LVRN: variants seen among roughly 807,000 people sequenced by gnomAD.
LVRN encodes the protein laeverin, also known as aminopeptidase Q.
Under a neutral mutation model 111.4 loss-of-function variants are expected in LVRN, and 99 were observed. That is an observed-to-expected ratio of 0.89 (90% CI 0.76 to 1.05). The LOEUF is 1.05. Among genes scored for constraint, LVRN ranks in the 50% least tolerant of loss-of-function variants. LVRN has a pLI of 0.00. For synonymous variants in LVRN, 488 were observed against 449.5 expected, an observed-to-expected ratio of 1.09 and a Z score of -1.08; for missense variants, 1,414 against 1,206.8, an observed-to-expected ratio of 1.17 and a Z score of -2.54.
chr5:115,973,302 T>TTGCTC (rs1379556984), intron 1 of LVRN, among the ~76,000 whole-genome samples: 1 of 152,244 alleles, frequency 6.6e-6, no homozygotes, highest in East Asian at 1.9e-4. Context: ...TAGATTTGAT[T>TTGCTC]TGCTCAAATT....
At chr5:116,000,222 C>G (rs7724555) in intron 7 of LVRN, among the ~76,000 whole-genome samples, 43,171 of 152,086 alleles carry the variant, frequency 0.28, 6,518 homozygotes, top group Non-Finnish European at 0.32. Flanking sequence ...GTACTCTGTA[C>G]TCTTTACATG....
At chr5:115,969,100 C>G (rs1236685229) in intron 1 of LVRN, among the ~76,000 whole-genome samples, 1 of 152,174 alleles carries the variant, frequency 6.6e-6, no homozygotes, top group African/African-American at 2.4e-5. Context: ...TCCTCTTTCT[C>G]TCCTCTTTCT....
At chr5:116,020,363 A>G (rs1748697658) in intron 18 of LVRN, among the ~76,000 whole-genome samples, 2 of 152,218 alleles carry the variant, frequency 1.3e-5, no homozygotes, top group South Asian at 4.1e-4. Flanking sequence ...TGGATGTGGT[A>G]GAAGCATTAT....
At chr5:116,022,798 T>C (rs1561571867) in intron 19 of LVRN, among the ~76,000 whole-genome samples, 1 of 152,192 alleles carries the variant, frequency 6.6e-6, no homozygotes, top group East Asian at 1.9e-4. Context: ...TAGCTTTTCA[T>C]AGCTTTTCAA....
chr5:115,969,785 G>A (rs1297076805), intron 1 of LVRN, among the ~76,000 whole-genome samples: 1 of 137,158 alleles, frequency 7.3e-6, no homozygotes, highest in Non-Finnish European at 1.5e-5. Context: ...GGGCAACAGA[G>A]CGAGACTCGA....
intron 3 of LVRN, among the ~76,000 whole-genome samples, chr5:115,985,919 C>T (rs1179991957): frequency 5.3e-5 from 8 of 152,166 alleles, no homozygotes; most frequent in African/African-American, 1.9e-4. Context: ...CTCTCCTGGG[C>T]CCAAGGGGCC....
chr5:115,976,552 C>A (rs1753453072), intron 1 of LVRN, among the ~76,000 whole-genome samples: 1 of 152,098 alleles, frequency 6.6e-6, no homozygotes, highest in Non-Finnish European at 1.5e-5. Context: ...CCTTTTATTT[C>A]TCATATAGGC....
chr5:115,964,696 G>C (rs553460019), intron 1 of LVRN, among the ~76,000 whole-genome samples: 2 of 152,020 alleles, frequency 1.3e-5, no homozygotes, highest in African/African-American at 4.8e-5. Flanking sequence ...AGTCAAGCTT[G>C]CAAATGTGGG....
chr5:115,989,701 T>C (rs17483250), intron 4 of LVRN, among the ~76,000 whole-genome samples: 1,836 of 152,336 alleles, frequency 0.012, 9 homozygotes, highest in Non-Finnish European at 0.017. Flanking sequence ...TATTAATTCC[T>C]GGACATCAGG....
At chr5:115,963,351 C>G in intron 1 of LVRN, 39 bp downstream of exon 1, 2 of 1,487,042 alleles carry the variant, frequency 1.3e-6, no homozygotes, top group South Asian at 2.7e-5. Flanking sequence ...TCGGCCCCCG[C>G]CCCTGCGTCC....
chr5:115,988,207 G>T (rs755220934), intron 4 of LVRN, among the ~76,000 whole-genome samples: 1 of 152,154 alleles, frequency 6.6e-6, no homozygotes, highest in African/African-American at 2.4e-5. Flanking sequence ...GCAGCCTCCC[G>T]TCCTCTAGAC....
At chr5:115,971,151 C>G (rs1753316819) in intron 1 of LVRN, among the ~76,000 whole-genome samples, 1 of 152,148 alleles carries the variant, frequency 6.6e-6, no homozygotes, top group African/African-American at 2.4e-5. Flanking sequence ...TGTCATCCAT[C>G]TATTTTAACA....
At chr5:115,969,367 A>G (rs759878352) in intron 1 of LVRN, among the ~76,000 whole-genome samples, 6 of 150,888 alleles carry the variant, frequency 4.0e-5, no homozygotes, top group Admixed American at 1.3e-4. Context: ...GGTTCTTTTC[A>G]TTGTTTTTTA....
intron 14 of LVRN, 24 bp from the exon 15 acceptor site, chr5:116,012,350 G>A (rs200080504): frequency 3.2e-6 from 4 of 1,249,856 alleles, no homozygotes; most frequent in African/African-American, 1.5e-5. Flanking sequence ...AGAACTAACA[G>A]TGTATTTTCT....
chr5:116,019,995 A>G (rs913714384), intron 18 of LVRN: 12 of 152,466 alleles, frequency 7.9e-5, no homozygotes, highest in African/African-American at 2.6e-4. Flanking sequence ...AGTTGAGTAC[A>G]TCGCCAATAG....
intron 19 of LVRN, among the ~76,000 whole-genome samples, chr5:116,022,688 A>G (rs1748757111): frequency 6.6e-6 from 1 of 152,180 alleles, no homozygotes. Flanking sequence ...TCTCACCTGA[A>G]TGCAGGGGAC....
Position 115,986,214 on chromosome 5 carries a change from A to C in LVRN, c.978+1505A>C, listed in dbSNP as rs188764598. ...AATTACTAGTAGAACCTTGTCATCT[A>C]CAAATATAACACTGGCCAAGTTAAA... On this transcript the variant is annotated intron_variant, in intron 3 of 19. Coordinates refer to ENST00000357872, the MANE Select transcript of LVRN (RefSeq NM_173800.5). 1.0e-3 allele frequency among the ~76,000 whole-genome samples: 152 copies of C among 152,362 alleles called. 2 individuals are homozygous for C. Among genetic ancestry groups the C allele is most frequent in the Middle Eastern group, 3.4e-3 (1 of 294 alleles).
intron 1 of LVRN, among the ~76,000 whole-genome samples, chr5:115,982,574 C>T (rs1303305708): frequency 6.6e-6 from 1 of 152,072 alleles, no homozygotes; most frequent in Non-Finnish European, 1.5e-5. Flanking sequence ...TGTCATCAGA[C>T]TCAGGCAGTG....
chr5:116,000,612 C>T lies in LVRN; in HGVS notation c.1601C>T (p.Ser534Phe). ...TTACAGTCATATTTGAAGACATTTT[C>T]CTACTCAAACGCTGAGCAAGATGAT... Reference protein sequence around the residue: ...SALKSYLKTFSYSNAEQDDLW... With the variant: ...SALKSYLKTFFYSNAEQDDLW... The change falls in exon 9 of 20, where the codon TCC becomes TTC. Residue 534 changes from serine to phenylalanine, a missense_variant. Coordinates refer to ENST00000357872, the MANE Select transcript of LVRN (RefSeq NM_173800.5). 2 of 1,613,974 alleles carry T rather than the reference C, an allele frequency of 1.2e-6. No individual in the cohort carries two copies. The highest frequency in any genetic ancestry group is 1.7e-6 in the Non-Finnish European group (2 of 1,179,916).
Sources: allele counts gnomAD v4.1 joint callset (sites outside exome capture counted in the v4.1 genomes callset), GRCh38; gene constraint gnomAD v4.1.1; transcripts MANE v1.5; gene names NCBI Gene and HGNC (gene_info 2026-07-23, HGNC 2026-07-21).